TBC1D9B: variants seen among roughly 807,000 people sequenced by gnomAD.
TBC1D9B encodes the protein TBC1 domain family, member 9B (with GRAM domain).
A neutral mutation model predicts 121.1 loss-of-function variants in TBC1D9B; 87 were observed. That is an observed-to-expected ratio of 0.72 (90% confidence interval 0.60 to 0.86). The LOEUF (loss-of-function observed/expected upper bound fraction) is 0.86, where lower values mean the gene tolerates loss of function less well. Ranked by LOEUF, TBC1D9B falls within the 40% of genes least tolerant of loss-of-function variation. TBC1D9B has a pLI of 0.00. For missense variants in TBC1D9B, 1,540 were observed against 1,628.6 expected, an observed-to-expected ratio of 0.95 and a Z score of 0.94; for synonymous variants, 668 against 670.1, an observed-to-expected ratio of 1.00 and a Z score of 0.05.
At position 179,891,359 on chromosome 5, in the gene TBC1D9B, C is replaced by T. The variant is rs1216090311; in HGVS notation, c.1044+20G>A. 3 of 1,613,882 alleles carry T rather than the reference C, an allele frequency of 1.9e-6. No individual in the cohort carries two copies. Among genetic ancestry groups the T allele is most frequent in the Non-Finnish European group, 2.5e-6 (3 of 1,179,922 alleles). ...CTCGGGGCTGGAAAGGCCTTGGCCT[C>T]TCAACTAGGGGATGCTGACCTCCCT... On this transcript the variant is annotated intron_variant, in intron 6 of 20. Transcript: ENST00000355235. The surrounding 1 kb of genome is among the most constrained non-coding windows in gnomAD (Gnocchi z 4.3).
intron 4 of TBC1D9B, among the ~76,000 whole-genome samples, chr5:179,893,946 TG>T (rs893479874): frequency 6.6e-6 from 1 of 151,866 alleles, no homozygotes; most frequent in African/African-American, 2.4e-5. Flanking sequence ...TTGGTGGGCT[TG>T]GGGATGGCTA....
chr5:179,891,284 C>T lies in TBC1D9B; in HGVS notation c.1044+95G>A, dbSNP rs1760852904. 2.1e-6 allele frequency: 3 copies of T among 1,423,652 alleles called. No individual in the cohort carries two copies. The highest frequency in any genetic ancestry group is 2.9e-6 in the Non-Finnish European group (3 of 1,021,924). 88.2% of individuals were successfully genotyped at this position (1,423,652 alleles called of 1,614,324 possible). ...CTAGGGCATCCTCCCAGGTACCCCC[C>T]AGTGAGACAGGGCAGAGCAGGACAG... On this transcript the variant is annotated intron_variant, in intron 6 of 20. Transcript: ENST00000355235. This position sits in a 1 kb window ranked among gnomAD's most constrained non-coding sequence, Gnocchi z 4.3.
Position 179,891,596 on chromosome 5 carries a change from C to T in TBC1D9B, c.837-10G>A, listed in dbSNP as rs779690277. ...TCGGGCGTCCAGGTCTCTGGGGAAA[C>T]AAGGTAGGAGGACAGGAGGAAAGGG... is the stretch of plus-strand genomic sequence containing the variant. On this transcript the variant is annotated splice_polypyrimidine_tract_variant and intron_variant, in intron 5 of 20. Coordinates refer to ENST00000355235, the MANE Select transcript of TBC1D9B (RefSeq NM_015043.4). This position sits in a 1 kb window ranked among gnomAD's most constrained non-coding sequence, Gnocchi z 4.3. 3 of 1,611,226 alleles carry T rather than the reference C, an allele frequency of 1.9e-6. No individual in the cohort carries two copies. The highest frequency in any genetic ancestry group is 2.7e-5 in the African/African-American group (2 of 74,812).
At position 179,873,530 on chromosome 5, in the gene TBC1D9B, C is replaced by G. The variant is rs557744254; in HGVS notation, c.2187-282G>C. Among the ~76,000 whole-genome samples the G allele has an allele frequency of 1.8e-3, 272 of 152,312 alleles. 1 individual carries two copies. Among genetic ancestry groups the G allele is most frequent in the African/African-American group, 6.2e-3 (256 of 41,564 alleles). ...TGGGGGGGTCCCTTGGGCAGGAACGCCTTATAACCCCAGATCCTACCCAGT... is the reference window on the plus strand; with the variant it reads ...TGGGGGGGTCCCTTGGGCAGGAACGGCTTATAACCCCAGATCCTACCCAGT... On this transcript the variant is annotated intron_variant, in intron 12 of 20. Transcript: ENST00000355235.
chr5:179,865,976 T>C lies in TBC1D9B; in HGVS notation c.2864-88A>G, dbSNP rs775476276. 3 of 1,531,674 alleles carry C rather than the reference T, an allele frequency of 2.0e-6. No individual in the cohort carries two copies. The highest frequency in any genetic ancestry group is 1.1e-5 in the South Asian group (1 of 88,874). 94.9% of individuals were successfully genotyped at this position (1,531,674 alleles called of 1,614,324 possible). ...TGGGGTCCTTGAGATGTAGTCTGTG[T>C]TTCTGTACAGCCAGCCCCAGGCCAG... On this transcript the variant is annotated intron_variant, in intron 18 of 20. Coordinates refer to ENST00000355235, the MANE Select transcript of TBC1D9B (RefSeq NM_015043.4). This position sits in a 1 kb window ranked among gnomAD's most constrained non-coding sequence, Gnocchi z 5.1.
At chr5:179,903,459 G>C (rs566036247) in intron 2 of TBC1D9B, among the ~76,000 whole-genome samples, 27 of 152,278 alleles carry the variant, frequency 1.8e-4, no homozygotes, top group African/African-American at 5.3e-4. Flanking sequence ...GCGGATTCTC[G>C]TTATTCAGGT....
Position 179,904,851 on chromosome 5 carries a change from G to C in TBC1D9B, c.119-39C>G, listed in dbSNP as rs370060844. 170 of 1,463,790 alleles carry C rather than the reference G, an allele frequency of 1.2e-4. No homozygotes were observed. Among genetic ancestry groups the C allele is most frequent in the African/African-American group, 1.9e-4 (13 of 70,232 alleles). The allele number at this position is 1,463,790 out of a possible 1,614,324, so 90.7% of individuals were successfully genotyped here. A position where few individuals can be genotyped will look rare whatever the true frequency, so the allele number is the denominator to read the frequency against. ...AGAGAGACATAGAGGGTGAGGGGAG[G>C]GCCGGACTGAGGCCCCTGAAGGCTG... On this transcript the variant is annotated intron_variant, in intron 1 of 20. Transcript: ENST00000355235. This position sits in a 1 kb window ranked among gnomAD's most constrained non-coding sequence, Gnocchi z 4.2.
intron 4 of TBC1D9B, among the ~76,000 whole-genome samples, chr5:179,893,929 G>A (rs1054841131): frequency 2.0e-5 from 3 of 152,174 alleles, no homozygotes; most frequent in Non-Finnish European, 4.4e-5. Flanking sequence ...CAAGGAGGGA[G>A]GAGGGCTTGG....
chr5:179,863,274 ATCTG>A lies in TBC1D9B; in HGVS notation c.*170_*173del. 1 of 682,810 alleles carries A rather than the reference ATCTG, an allele frequency of 1.5e-6. No homozygotes were observed. Among genetic ancestry groups the A allele is most frequent in the Non-Finnish European group, 2.4e-6 (1 of 424,998 alleles). The allele number at this position is 682,810 out of a possible 1,614,324, so 42.3% of individuals were successfully genotyped here. A position where few individuals can be genotyped will look rare whatever the true frequency, so the allele number is the denominator to read the frequency against. On this transcript the variant is annotated 3_prime_UTR_variant, in exon 21 of 21. Transcript: ENST00000355235. The surrounding 1 kb of genome is among the most constrained non-coding windows in gnomAD (Gnocchi z 4.5). ...GCGCCAGGAGATGCAGGCCCAGGGA[ATCTG>A]TCTAAGGCAGCTGGGTCTGCACCAG...
In TBC1D9B at chr5:179,885,995, C is replaced by T. The variant is rs1254153869; in HGVS notation, c.1254+2108G>A. ...AAGCCCGTGCCACATCCAATCCTGT[C>T]TCCCAGCTTGCTGTGCTCTCTGCCT... On this transcript the variant is annotated intron_variant, in intron 7 of 20. Coordinates refer to ENST00000355235, the MANE Select transcript of TBC1D9B (RefSeq NM_015043.4). The surrounding 1 kb of genome is among the most constrained non-coding windows in gnomAD (Gnocchi z 4.5). 6.6e-6 allele frequency among the ~76,000 whole-genome samples: 1 copy of T among 152,258 alleles called. No individual in the cohort carries two copies. Among genetic ancestry groups the T allele is most frequent in the Non-Finnish European group, 1.5e-5 (1 of 68,048 alleles).
Position 179,863,585 on chromosome 5 carries a change from A to G in TBC1D9B, c.3565T>C (p.Ser1189Pro), listed in dbSNP as rs1267640330. The G allele has an allele frequency of 1.9e-6, 3 of 1,613,966 alleles. No individual in the cohort carries two copies. The highest frequency in any genetic ancestry group is 1.6e-4 in the Middle Eastern group (1 of 6,084). ...WCISFEQILA[S>P]ILTESVLVNF... ...ACCAGCACGGACTCCGTCAGGATGGAGGCCAGGATCTGCTCAAAGGAGATG... is the reference window on the plus strand; with the variant it reads ...ACCAGCACGGACTCCGTCAGGATGGGGGCCAGGATCTGCTCAAAGGAGATG... The change falls in exon 21 of 21, where the codon TCC becomes CCC. Residue 1189 changes from serine to proline, a missense_variant. Coordinates refer to ENST00000355235, the MANE Select transcript of TBC1D9B (RefSeq NM_015043.4). This position sits in a 1 kb window ranked among gnomAD's most constrained non-coding sequence, Gnocchi z 4.5.
At chr5:179,876,168 T>G in intron 10 of TBC1D9B, 131 bp from the exon 11 acceptor site, 1 of 685,590 alleles carries the variant, frequency 1.5e-6, no homozygotes, top group Non-Finnish European at 2.3e-6. Flanking sequence ...TTGTTATTTT[T>G]ATTATTTTTC....
At position 179,907,829 on chromosome 5, in the gene TBC1D9B, C is replaced by T; in HGVS notation, c.-8G>A. ...CTCCGGGCTCAGCCACATCGCGGAG[C>T]CGCTCGCACCGGGCCGAGGCCCGCG... On this transcript the variant is annotated 5_prime_UTR_variant, in exon 1 of 21. Transcript: ENST00000355235. The surrounding 1 kb of genome is among the most constrained non-coding windows in gnomAD (Gnocchi z 5.3). 1 of 1,142,550 alleles carries T rather than the reference C, an allele frequency of 8.8e-7. No individual in the cohort carries two copies. The highest frequency in any genetic ancestry group is 2.8e-4 in the Middle Eastern group (1 of 3,564). 70.8% of individuals were successfully genotyped at this position (1,142,550 alleles called of 1,614,324 possible).
At chr5:179,897,185 G>A (rs887723158) in intron 3 of TBC1D9B, among the ~76,000 whole-genome samples, 2 of 152,172 alleles carry the variant, frequency 1.3e-5, no homozygotes, top group Non-Finnish European at 2.9e-5. Flanking sequence ...GGGATTACAG[G>A]CATAAGCCAC....
intron 16 of TBC1D9B, 87 bp from the exon 17 acceptor site, chr5:179,869,921 C>T: frequency 7.8e-7 from 1 of 1,287,630 alleles, no homozygotes; most frequent in Middle Eastern, 2.7e-4. Context: ...TCTTCACAGC[C>T]TGTGCTGCCC....
In TBC1D9B at chr5:179,865,561, C is replaced by T. The variant is rs550836547; in HGVS notation, c.2915-201G>A. 3.3e-4 allele frequency: 204 copies of T among 626,260 alleles called. 1 individual carries two copies. Among genetic ancestry groups the T allele is most frequent in the Non-Finnish European group, 5.2e-4 (186 of 357,436 alleles). 38.8% of individuals were successfully genotyped at this position (626,260 alleles called of 1,614,324 possible). A position where few individuals can be genotyped will look rare whatever the true frequency, so the allele number is the denominator to read the frequency against. On this transcript the variant is annotated intron_variant, in intron 19 of 20. Transcript: ENST00000355235. This position sits in a 1 kb window ranked among gnomAD's most constrained non-coding sequence, Gnocchi z 5.1. ...TCCCTAAATTGCTGCAGTGGTTGGA[C>T]CTAAGCTGATGACAATGATCCACAA...
At chr5:179,887,146 G>C (rs1446767201) in intron 7 of TBC1D9B, among the ~76,000 whole-genome samples, 3 of 152,248 alleles carry the variant, frequency 2.0e-5, no homozygotes, top group Non-Finnish European at 4.4e-5. Flanking sequence ...CCTGGGGTCA[G>C]CTTCCCTCTT....
intron 10 of TBC1D9B, among the ~76,000 whole-genome samples, chr5:179,877,976 C>T (rs1760407615): frequency 2.0e-5 from 3 of 152,224 alleles, no homozygotes; most frequent in Middle Eastern, 3.4e-3. Context: ...CGGTGACGGG[C>T]GTGCAACAGT....
In TBC1D9B at chr5:179,904,087, G is replaced by A. The variant is rs537701810; in HGVS notation, c.229+615C>T. On this transcript the variant is annotated intron_variant, in intron 2 of 20. Transcript: ENST00000355235. This position sits in a 1 kb window ranked among gnomAD's most constrained non-coding sequence, Gnocchi z 4.2. ...AAATATGGAATCTTTGAATGAGGCCGACTACGTCTACCTTGAGAAAAGGTG... is the reference window on the plus strand; with the variant it reads ...AAATATGGAATCTTTGAATGAGGCCAACTACGTCTACCTTGAGAAAAGGTG... 9.2e-4 allele frequency among the ~76,000 whole-genome samples: 140 copies of A among 152,244 alleles called. No homozygotes were observed. Among genetic ancestry groups the A allele is most frequent in the Non-Finnish European group, 1.6e-3 (112 of 68,014 alleles).
Sources: allele counts gnomAD v4.1 joint callset (sites outside exome capture counted in the v4.1 genomes callset), GRCh38; gene constraint gnomAD v4.1.1; non-coding constraint Gnocchi (gnomAD v3.1); transcripts MANE v1.5; gene names NCBI Gene and HGNC (gene_info 2026-07-23, HGNC 2026-07-21).